The following TRPV1 variants were observed in gnomAD, a reference collection of about 807,000 sequenced individuals.
TRPV1 encodes the protein transient receptor potential cation channel subfamily V member 1.
Under a neutral mutation model 82.3 loss-of-function variants are expected in TRPV1, and 82 were observed. That is an observed-to-expected ratio of 1.00 (90% CI 0.83 to 1.20). The LOEUF (loss-of-function observed/expected upper bound fraction) is 1.20, where lower values mean the gene tolerates loss of function less well. Among genes scored for constraint, TRPV1 ranks in the 50% most tolerant of loss-of-function variants. TRPV1 has a pLI of 0.00. For missense variants in TRPV1, 1,067 were observed against 1,096.8 expected (o/e 0.97, Z 0.38); for synonymous variants, 515 against 467.7 (o/e 1.10, Z -1.30).
intron 10 of TRPV1, among the ~76,000 whole-genome samples, chr17:3,582,004 CACG>C (rs1567664777): frequency 6.9e-6 from 1 of 145,412 alleles, no homozygotes; most frequent in African/African-American, 2.5e-5. Context: ...TCCTGGCTAA[CACG>C]GTGAAACCCC....
intron 2 of TRPV1, among the ~76,000 whole-genome samples, chr17:3,603,329 G>T (rs1396358097): frequency 6.6e-6 from 1 of 152,090 alleles, no homozygotes; most frequent in African/African-American, 2.4e-5. Context: ...AGCACAGAAC[G>T]CTGGAGCCCC....
intron 10 of TRPV1, 69 bp from the exon 11 acceptor site, chr17:3,580,596 G>T: frequency 6.5e-7 from 1 of 1,528,452 alleles, no homozygotes; most frequent in Non-Finnish European, 9.1e-7. Flanking sequence ...GCACTCAGAT[G>T]CTTCCTAAAT....
chr17:3,588,174 C>G lies in TRPV1; in HGVS notation c.1224+14G>C. On this transcript the variant is annotated intron_variant, in intron 8 of 16. Coordinates refer to ENST00000572705, the MANE Select transcript of TRPV1 (RefSeq NM_080704.4). ...GGCCCTGAGGCCCTCCCTGGCTGTG[C>G]CCCAGCCACTCACAGGGGTCTCGCT... The G allele has an allele frequency of 6.5e-7, 1 of 1,549,958 alleles. No individual in the cohort carries two copies. The highest frequency in any genetic ancestry group is 8.7e-7 in the Non-Finnish European group (1 of 1,145,254).
At chr17:3,582,452 C>T (rs2075033100) in intron 10 of TRPV1, among the ~76,000 whole-genome samples, 1 of 151,952 alleles carries the variant, frequency 6.6e-6, no homozygotes, top group Non-Finnish European at 1.5e-5. Context: ...ATCTCAAATT[C>T]TACATTCAGA....
rs532661310 is a variant in TRPV1 at position 3,576,596 on chromosome 17, GAGCCGAGATCGCGCCACTGCACGCC to G, written c.1780+505_1780+529del. ...GAACCCGGGAGGCGGAGCCTCCAGT[GAGCCGAGATCGCGCCACTGCACGCC>G]AGCCTGGGCAAGAGAGCTAGACTCT... On this transcript the variant is annotated intron_variant, in intron 13 of 16. Coordinates refer to ENST00000572705, the MANE Select transcript of TRPV1 (RefSeq NM_080704.4). Among the ~76,000 whole-genome samples, 103 of 148,330 alleles carry G rather than the reference GAGCCGAGATCGCGCCACTGCACGCC, an allele frequency of 6.9e-4. 1 individual carries two copies. In the Middle Eastern group the frequency reaches 0.014, roughly 20 times the overall value.
chr17:3,570,015 G>GAGGAGGGGCCAAGCGGTCAGGA (rs1430653588), intron 16 of TRPV1, among the ~76,000 whole-genome samples: 70 of 135,748 alleles, frequency 5.2e-4, no homozygotes, highest in African/African-American at 1.8e-3. Flanking sequence ...AGCGGTCAGG[G>GAGGAGGGGCCAAGCGGTCAGGA]AGGAGGGGCC....
intron 10 of TRPV1, among the ~76,000 whole-genome samples, chr17:3,581,337 G>A (rs1182416066): frequency 6.6e-6 from 1 of 152,018 alleles, no homozygotes; most frequent in East Asian, 1.9e-4. Flanking sequence ...GTAACAAGCC[G>A]CCACTGTCAG....
intron 9 of TRPV1, among the ~76,000 whole-genome samples, chr17:3,584,305 A>C (rs1458387816): frequency 6.7e-6 from 1 of 149,620 alleles, no homozygotes; most frequent in African/African-American, 2.5e-5. Flanking sequence ...AGGGAGGCTG[A>C]GGCAGGAGAA....
chr17:3,596,278 T>G (rs1196064279), intron 2 of TRPV1, among the ~76,000 whole-genome samples: 1 of 147,166 alleles, frequency 6.8e-6, no homozygotes, highest in African/African-American at 2.7e-5. Flanking sequence ...GCTCCCCTGC[T>G]CCTCTCTCTG....
chr17:3,576,087 T>G (rs1050662444), intron 13 of TRPV1, among the ~76,000 whole-genome samples: 2 of 150,004 alleles, frequency 1.3e-5, no homozygotes, highest in Non-Finnish European at 3.0e-5. Flanking sequence ...CCAGGTGTGG[T>G]GGCGGGCATC....
intron 13 of TRPV1, among the ~76,000 whole-genome samples, chr17:3,576,178 C>T (rs760557087): frequency 3.9e-5 from 6 of 151,992 alleles, no homozygotes; most frequent in East Asian, 1.9e-4. Flanking sequence ...GCTGAGATGG[C>T]GCCACTGCAC....
At chr17:3,582,189 C>CAAAAAAAAAAAAAA (rs71153376) in intron 10 of TRPV1, among the ~76,000 whole-genome samples, 1,017 of 25,890 alleles carry the variant, frequency 0.039, 213 homozygotes, top group East Asian at 0.1. Flanking sequence ...GACTCCATCT[C>CAAAAAAAAAAAAAA]AAAAAAAAAA....
intron 2 of TRPV1, among the ~76,000 whole-genome samples, chr17:3,593,211 A>G (rs34203267): frequency 0.15 from 23,150 of 151,116 alleles, 5,931 homozygotes; most frequent in African/African-American, 0.53. Context: ...TCCACCTCCC[A>G]GGTTCAAGCG....
intron 11 of TRPV1, chr17:3,578,084 C>T: frequency 9.5e-6 from 2 of 210,102 alleles, no homozygotes; most frequent in Admixed American, 9.9e-5. Flanking sequence ...GCATGCGGAG[C>T]ACAAGGTCAG....
intron 9 of TRPV1, 146 bp downstream of exon 9, chr17:3,585,622 C>T: frequency 1.0e-6 from 1 of 999,830 alleles, no homozygotes; most frequent in Non-Finnish European, 1.4e-6. Context: ...ACGAGGTTCT[C>T]CACGTTCTCC....
At chr17:3,573,548 C>CCCCCCCCCCCCCCCCCCCGCA in intron 14 of TRPV1, 85 bp downstream of exon 14, 1 of 411,100 alleles carries the variant, frequency 2.4e-6, no homozygotes, top group Non-Finnish European at 3.6e-6. Context: ...ACCACCCACC[C>CCCCCCCCCCCCCCCCCCCGCA]ACCTGCAGCC....
chr17:3,589,345 T>C (rs2075124763), intron 7 of TRPV1, among the ~76,000 whole-genome samples: 1 of 152,072 alleles, frequency 6.6e-6, no homozygotes, highest in African/African-American at 2.4e-5. Flanking sequence ...TAGCTGGAAT[T>C]GTAGGCACCT....
intron 13 of TRPV1, among the ~76,000 whole-genome samples, chr17:3,575,835 AC>A (rs2074921604): frequency 6.6e-6 from 1 of 152,108 alleles, no homozygotes; most frequent in Non-Finnish European, 1.5e-5. Context: ...CATCAGACAC[AC>A]CCAAATTGAG....
intron 14 of TRPV1, 100 bp downstream of exon 14, chr17:3,573,533 C>A: frequency 1.2e-4 from 1 of 8,670 alleles, no homozygotes; most frequent in South Asian, 9.9e-4. Flanking sequence ...CCACACACCG[C>A]CCCCACCACC....
Sources: allele counts gnomAD v4.1 joint callset (sites outside exome capture counted in the v4.1 genomes callset), GRCh38; gene constraint gnomAD v4.1.1; transcripts MANE v1.5; gene names NCBI Gene and HGNC (gene_info 2026-07-23, HGNC 2026-07-21).